The following FANK1 variants were observed in gnomAD, a reference collection of about 807,000 sequenced individuals.
FANK1 encodes fibronectin type 3 and ankyrin repeat domains protein 1.
In FANK1, 44 loss-of-function variants were observed where a neutral mutation model predicts 45.3. The observed-to-expected ratio is 0.97, with a 90% CI of 0.76 to 1.25. The LOEUF is 1.25. Among genes scored for constraint, FANK1 ranks in the 50% most tolerant of loss-of-function variants. The pLI is 0.00. For synonymous variants in FANK1, 149 were observed against 152.5 expected (o/e 0.98, Z 0.17); for missense variants, 391 against 424.4 (o/e 0.92, Z 0.69).
intron 1 of FANK1, among the ~76,000 whole-genome samples, chr10:125,914,420 A>G (rs1280161233): frequency 6.6e-6 from 1 of 152,150 alleles, no homozygotes; most frequent in Non-Finnish European, 1.5e-5. Flanking sequence ...CAGGGAGGAC[A>G]CATGACAGTC....
chr10:126,006,181 A>G (rs1317795491), intron 7 of FANK1, among the ~76,000 whole-genome samples: 1 of 152,186 alleles, frequency 6.6e-6, no homozygotes, highest in Non-Finnish European at 1.5e-5. Context: ...ATCAACTCAA[A>G]TTGAGAAAAG....
chr10:125,977,163 T>A (rs1015976832), intron 1 of FANK1, among the ~76,000 whole-genome samples: 7 of 152,188 alleles, frequency 4.6e-5, no homozygotes, highest in African/African-American at 1.7e-4. Context: ...GGAGGGCGTA[T>A]GACACTCTGG....
Position 126,005,130 on chromosome 10 carries a change from C to T in FANK1, c.705+81C>T, listed in dbSNP as rs530803702. ...TCCATGGGGTCTGGCAGAAGCAGGG[C>T]CTTTGATTAGCTAACCTTAGAAATG... is the stretch of plus-strand genomic sequence containing the variant. On this transcript the variant is annotated intron_variant, in intron 7 of 10. Transcript: ENST00000368693. 21 of 1,475,954 alleles carry T rather than the reference C, an allele frequency of 1.4e-5. No individual in the cohort carries two copies. The South Asian group carries it at 2.5e-4, about 17-fold the overall frequency. 91.4% of individuals were successfully genotyped at this position (1,475,954 alleles called of 1,614,324 possible). A position where few individuals can be genotyped will look rare whatever the true frequency, so the allele number is the denominator to read the frequency against.
At chr10:125,939,932 T>A (rs909037957) in intron 1 of FANK1, among the ~76,000 whole-genome samples, 1 of 149,322 alleles carries the variant, frequency 6.7e-6, no homozygotes, top group East Asian at 1.9e-4. Flanking sequence ...ATTATTATTA[T>A]TATTTTTTTT....
intron 1 of FANK1, among the ~76,000 whole-genome samples, chr10:125,944,662 C>T (rs545181382): frequency 5.3e-5 from 8 of 152,190 alleles, no homozygotes; most frequent in African/African-American, 1.4e-4. Context: ...GGTGGAAAAC[C>T]GCTTAAAGGC....
At chr10:125,980,105 GTC>G in intron 1 of FANK1, 54 bp from the exon 2 acceptor site, 5 of 1,564,562 alleles carry the variant, frequency 3.2e-6, no homozygotes, top group Non-Finnish European at 4.3e-6. Flanking sequence ...CACTCGACTG[GTC>G]TCTCTTCCTT....
intron 1 of FANK1, among the ~76,000 whole-genome samples, chr10:125,969,626 T>A (rs1248058195): frequency 6.6e-6 from 1 of 152,206 alleles, no homozygotes; most frequent in Non-Finnish European, 1.5e-5. Flanking sequence ...TTCTTTTTTT[T>A]TAAATTTTTT....
At chr10:125,925,676 C>T (rs1393533298) in intron 1 of FANK1, among the ~76,000 whole-genome samples, 1 of 152,208 alleles carries the variant, frequency 6.6e-6, no homozygotes, top group African/African-American at 2.4e-5. Flanking sequence ...GGATTACAGA[C>T]ATGTGCCGCC....
chr10:125,977,098 T>C lies in FANK1; in HGVS notation c.14-3063T>C, dbSNP rs538238480. ...CTTTGTTCCTATCCATATTCTGTAT[T>C]CCAGCCAGTTCTGCCTGGTTACAAA... On this transcript the variant is annotated intron_variant, in intron 1 of 10. Coordinates refer to ENST00000368693, the MANE Select transcript of FANK1 (RefSeq NM_145235.5). 2.0e-5 allele frequency among the ~76,000 whole-genome samples: 3 copies of C among 152,326 alleles called. No individual in the cohort carries two copies. The South Asian group carries it at 6.2e-4, about 32-fold the overall frequency.
At chr10:125,911,088 A>G (rs536210613) in intron 1 of FANK1, among the ~76,000 whole-genome samples, 364 of 152,114 alleles carry the variant, frequency 2.4e-3, no homozygotes, top group Middle Eastern at 6.9e-3. Flanking sequence ...GGAGTATATT[A>G]CTTTACATAG....
intron 1 of FANK1, among the ~76,000 whole-genome samples, chr10:125,906,515 CAAAAAAAAAAAAAAAA>C (rs34132526): frequency 8.6e-5 from 4 of 46,404 alleles, no homozygotes; most frequent in African/African-American, 2.2e-4. Context: ...GACTCTGTCT[CAAAAAAAAAAAAAAAA>C]AAAAAAAAAA....
chr10:125,996,590 G>T lies in FANK1; in HGVS notation c.439G>T (p.Ala147Ser). Residue 147 changes from alanine to serine, a missense_variant, in exon 5 of 11, where the codon GCT (alanine) becomes TCT (serine). Physicochemically the swap from Ala to Ser is moderately conservative, Grantham distance 99. Coordinates refer to ENST00000368693, the MANE Select transcript of FANK1 (RefSeq NM_145235.5). Reference protein sequence around the residue: ...VDVPNKFGFTALMVAAQKGYT... With the variant: ...VDVPNKFGFTSLMVAAQKGYT... ...TGTTCCCAATAAGTTTGGCTTTACC[G>T]CTCTGATGGTTGCTGCCCAGAAAGG... 6.2e-7 allele frequency: 1 copy of T among 1,614,036 alleles called. No individual in the cohort carries two copies. Among genetic ancestry groups the T allele is most frequent in the Non-Finnish European group, 8.5e-7 (1 of 1,179,984 alleles).
At chr10:125,971,374 G>A (rs964717608) in intron 1 of FANK1, among the ~76,000 whole-genome samples, 2 of 151,626 alleles carry the variant, frequency 1.3e-5, no homozygotes, top group Admixed American at 1.3e-4. Flanking sequence ...TCCTGGACTG[G>A]GCTCCTGAAG....
At chr10:125,970,267 G>A (rs577768431) in intron 1 of FANK1, among the ~76,000 whole-genome samples, 62 of 151,292 alleles carry the variant, frequency 4.1e-4, no homozygotes, top group Non-Finnish European at 8.0e-4. Flanking sequence ...CCTTCCAGAT[G>A]GGGCGGCTGC....
intron 1 of FANK1, among the ~76,000 whole-genome samples, chr10:125,901,647 A>T (rs1483154014): frequency 2.6e-5 from 4 of 152,156 alleles, no homozygotes; most frequent in African/African-American, 9.7e-5. Flanking sequence ...TCTGCCAGGG[A>T]TGCTATTCCC....
At chr10:125,987,824 C>G (rs1195246927) in intron 2 of FANK1, among the ~76,000 whole-genome samples, 1 of 151,728 alleles carries the variant, frequency 6.6e-6, no homozygotes, top group African/African-American at 2.4e-5. Context: ...TGCGCTAGGT[C>G]CCAGCATCTT....
At chr10:125,978,075 T>C (rs1198716192) in intron 1 of FANK1, among the ~76,000 whole-genome samples, 2 of 152,066 alleles carry the variant, frequency 1.3e-5, no homozygotes, top group Admixed American at 6.5e-5. Flanking sequence ...CACTTTTCCA[T>C]AGGGCTGCTG....
At chr10:125,975,125 C>G (rs1329944017) in intron 1 of FANK1, among the ~76,000 whole-genome samples, 1 of 152,186 alleles carries the variant, frequency 6.6e-6, no homozygotes, top group African/African-American at 2.4e-5. Flanking sequence ...CATTAGATTG[C>G]TAAAGATGAT....
In FANK1 at chr10:125,957,020, G is replaced by A. The variant is rs997060325; in HGVS notation, c.14-23141G>A. 5.3e-5 allele frequency among the ~76,000 whole-genome samples: 8 copies of A among 152,062 alleles called. No individual in the cohort carries two copies. In the East Asian group the frequency reaches 9.6e-4, roughly 18 times the overall value. On this transcript the variant is annotated intron_variant, in intron 1 of 10. Transcript: ENST00000368693. The stretch of plus-strand genomic sequence containing the variant: ...ACTACAGGTGTGTGCCAGCACACCC[G>A]GCTGTTTTCTATTTTTAGTAGAGAC...
Sources: allele counts gnomAD v4.1 joint callset (sites outside exome capture counted in the v4.1 genomes callset), GRCh38; gene constraint gnomAD v4.1.1; transcripts MANE v1.5; gene names NCBI Gene and HGNC (gene_info 2026-07-23, HGNC 2026-07-21).